Variants in CDCA3 observed in about 807,000 individuals in gnomAD.
CDCA3 encodes the protein cell division cycle associated 3.
Under a neutral mutation model 29.1 loss-of-function variants are expected in CDCA3, and 16 were observed. That is an observed-to-expected ratio of 0.55 (90% CI 0.37 to 0.83). CDCA3 has a LOEUF of 0.83. Ranked by LOEUF, CDCA3 falls within the 40% of genes least tolerant of loss-of-function variation. The probability of loss-of-function intolerance (pLI) is 0.00; values close to 1 mark genes in which losing one functional copy is unlikely to be tolerated. For missense variants in CDCA3, 291 were observed against 327.2 expected (o/e 0.89, Z 0.85); for synonymous variants, 88 against 124.5 (o/e 0.71, Z 1.95).
Position 6,850,639 on chromosome 12 carries a change from T to C in CDCA3, c.121-43A>G. On this transcript the variant is annotated intron_variant, in intron 2 of 5. Transcript: ENST00000538862. The surrounding 1 kb of genome is among the most constrained non-coding windows in gnomAD (Gnocchi z 4.7). Reference sequence around the variant, plus strand: ...TAGAACAAGTCTGGGCCCTGACTCTTCTCTCCTCTCCTCCCCATATTCCAG... The same window carrying C: ...TAGAACAAGTCTGGGCCCTGACTCTCCTCTCCTCTCCTCCCCATATTCCAG... 6.2e-7 allele frequency: 1 copy of C among 1,613,216 alleles called. No homozygotes were observed. Among genetic ancestry groups the C allele is most frequent in the Non-Finnish European group, 8.5e-7 (1 of 1,179,424 alleles).
In CDCA3 at chr12:6,851,028, G is replaced by A; in HGVS notation, c.-57-19C>T. On this transcript the variant is annotated intron_variant, in intron 1 of 5. Transcript: ENST00000538862. ...GGAATGCCTGTGAGAAGTGACTCAG[G>A]TCTCAGCCCTTATCTCTTCCACGTC... is the stretch of plus-strand genomic sequence containing the variant. 6.5e-7 allele frequency: 1 copy of A among 1,528,334 alleles called. No homozygotes were observed. The highest frequency in any genetic ancestry group is 8.7e-7 in the Non-Finnish European group (1 of 1,143,580). The allele number at this position is 1,528,334 out of a possible 1,614,324, so 94.7% of individuals were successfully genotyped here.
At chr12:6,846,992 G>A (rs1943719270), downstream of CDCA3, 3 of 733,996 alleles carry the variant, frequency 4.1e-6, no homozygotes, top group Non-Finnish European at 7.1e-6. Flanking sequence ...CTATATTCCG[G>A]GTGCCATTCC....
At position 6,850,858 on chromosome 12, in the gene CDCA3, G is replaced by C. The variant is rs1362044198; in HGVS notation, c.95C>G (p.Ala32Gly). Residue 32 changes from alanine to glycine, a missense_variant, in exon 2 of 6, where the codon GCT (alanine) becomes GGT (glycine). Transcript: ENST00000538862. The surrounding 1 kb of genome is among the most constrained non-coding windows in gnomAD (Gnocchi z 4.7). ...CTGGATGGGAGTGCGCAGGATGCCA[G>C]CACTAGGTGAACGGGGGTCCGCCAC... ...ARVADPRSPS[A>G]GILRTPIQVE... The C allele has an allele frequency of 1.2e-6, 2 of 1,613,854 alleles. No individual in the cohort carries two copies. The highest frequency in any genetic ancestry group is 1.7e-6 in the Non-Finnish European group (2 of 1,179,990).
chr12:6,847,781 T>C (rs1943735654), downstream of CDCA3, among the ~76,000 whole-genome samples: 2 of 152,138 alleles, frequency 1.3e-5, no homozygotes, highest in Non-Finnish European at 2.9e-5. Context: ...CTCCAGATCT[T>C]TCAGAAAGAA....
Position 6,850,219 on chromosome 12 carries a change from T to G in CDCA3, c.250+248A>C. 2 of 529,948 alleles carry G rather than the reference T, an allele frequency of 3.8e-6. No individual in the cohort carries two copies. Among genetic ancestry groups the G allele is most frequent in the Non-Finnish European group, 6.8e-6 (2 of 295,922 alleles). The allele number at this position is 529,948 out of a possible 1,614,324, so 32.8% of individuals were successfully genotyped here. A position where few individuals can be genotyped will look rare whatever the true frequency, so the allele number is the denominator to read the frequency against. On this transcript the variant is annotated intron_variant, in intron 3 of 5. Coordinates refer to ENST00000538862, the MANE Select transcript of CDCA3 (RefSeq NM_031299.7). This position sits in a 1 kb window ranked among gnomAD's most constrained non-coding sequence, Gnocchi z 4.7. ...TTTTTCTAGAGATGGGGTTTTGCCA[T>G]GTTGCCTAGGCTGGTCTTGAACTCC... is the stretch of plus-strand genomic sequence containing the variant.
chr12:6,845,545 C>G, downstream of CDCA3: 1 of 1,424,816 alleles, frequency 7.0e-7, no homozygotes. Flanking sequence ...TGTGGGCTGC[C>G]CAGGTCTGAT....
rs782513128 is a variant in CDCA3 at position 6,850,435 on chromosome 12, C to T, written c.250+32G>A. On this transcript the variant is annotated intron_variant, in intron 3 of 5. Transcript: ENST00000538862. The surrounding 1 kb of genome is among the most constrained non-coding windows in gnomAD (Gnocchi z 4.7). Reference sequence around the variant, plus strand: ...CCTACCCAAGAATAATAGATGACAGCTTCATCAGCATTCCCTGGGCCCAAC... The same window carrying T: ...CCTACCCAAGAATAATAGATGACAGTTTCATCAGCATTCCCTGGGCCCAAC... 2.5e-6 allele frequency: 4 copies of T among 1,613,178 alleles called. No homozygotes were observed. The highest frequency in any genetic ancestry group is 3.4e-6 in the Non-Finnish European group (4 of 1,179,456).
Position 6,850,935 on chromosome 12 carries a change from G to A in CDCA3, c.18C>T (p.Ser6=). ...GAGGCCGCGCTGGTGTGACTGGGACGCTCTTGGCTGAGCCCATCTCAACCA... is the reference window on the plus strand; with the variant it reads ...GAGGCCGCGCTGGTGTGACTGGGACACTCTTGGCTGAGCCCATCTCAACCA... MGSAK[S]VPVTPARPPP... Residue 6 remains serine (S), a synonymous_variant, in exon 2 of 6, where the codon AGC becomes AGT. Transcript: ENST00000538862. The surrounding 1 kb of genome is among the most constrained non-coding windows in gnomAD (Gnocchi z 4.7). 6.2e-7 allele frequency: 1 copy of A among 1,610,614 alleles called. No individual in the cohort carries two copies. The highest frequency in any genetic ancestry group is 8.5e-7 in the Non-Finnish European group (1 of 1,179,672).
Position 6,849,995 on chromosome 12 carries a change from A to T in CDCA3, c.251-137T>A. 1.2e-6 allele frequency: 1 copy of T among 809,708 alleles called. No homozygotes were observed. The highest frequency in any genetic ancestry group is 3.3e-5 in the Admixed American group (1 of 29,978). 50.2% of individuals were successfully genotyped at this position (809,708 alleles called of 1,614,324 possible). On this transcript the variant is annotated intron_variant, in intron 3 of 5. Coordinates refer to ENST00000538862, the MANE Select transcript of CDCA3 (RefSeq NM_031299.7). The surrounding 1 kb of genome is among the most constrained non-coding windows in gnomAD (Gnocchi z 5.2). Reference sequence around the variant, plus strand: ...AGAGAAATCAAGGAAATCAAGGTGAAAGGGAGCAATTTTTTTTTTTTTTGA... The same window carrying T: ...AGAGAAATCAAGGAAATCAAGGTGATAGGGAGCAATTTTTTTTTTTTTTGA...
At chr12:6,845,668 T>G (rs1246191591), downstream of CDCA3, 1 of 1,614,120 alleles carries the variant, frequency 6.2e-7, no homozygotes, top group Admixed American at 1.7e-5. Context: ...GACCAGGAGC[T>G]GATCTGCTTC....
At position 6,850,738 on chromosome 12, in the gene CDCA3, T is replaced by C. The variant is rs1333429929; in HGVS notation, c.120+95A>G. On this transcript the variant is annotated intron_variant, in intron 2 of 5. Coordinates refer to ENST00000538862, the MANE Select transcript of CDCA3 (RefSeq NM_031299.7). The surrounding 1 kb of genome is among the most constrained non-coding windows in gnomAD (Gnocchi z 4.7). ...GAGATTGCAGAAAATAAGGCTAGGATAAGGGTGGGGTCATGACGGCTCTCT... is the reference window on the plus strand; with the variant it reads ...GAGATTGCAGAAAATAAGGCTAGGACAAGGGTGGGGTCATGACGGCTCTCT... 1.3e-6 allele frequency: 2 copies of C among 1,573,840 alleles called. No homozygotes were observed. Among genetic ancestry groups the C allele is most frequent in the African/African-American group, 1.4e-5 (1 of 74,048 alleles).
At position 6,850,308 on chromosome 12, in the gene CDCA3, G is replaced by T; in HGVS notation, c.250+159C>A. The stretch of plus-strand genomic sequence containing the variant: ...GCTGGGATTACAGGCATGAGCCACC[G>T]CACCCAGGCTGGGAACAAAATATTG... On this transcript the variant is annotated intron_variant, in intron 3 of 5. Coordinates refer to ENST00000538862, the MANE Select transcript of CDCA3 (RefSeq NM_031299.7). The surrounding 1 kb of genome is among the most constrained non-coding windows in gnomAD (Gnocchi z 4.7). The T allele has an allele frequency of 1.0e-6, 1 of 997,980 alleles. No homozygotes were observed. Among genetic ancestry groups the T allele is most frequent in the Non-Finnish European group, 1.5e-6 (1 of 674,500 alleles). 61.8% of individuals were successfully genotyped at this position (997,980 alleles called of 1,614,324 possible). A position where few individuals can be genotyped will look rare whatever the true frequency, so the allele number is the denominator to read the frequency against.
In CDCA3 at chr12:6,850,396, A is replaced by G; in HGVS notation, c.250+71T>C. 6.3e-7 allele frequency: 1 copy of G among 1,590,542 alleles called. No homozygotes were observed. Among genetic ancestry groups the G allele is most frequent in the African/African-American group, 1.3e-5 (1 of 74,462 alleles). On this transcript the variant is annotated intron_variant, in intron 3 of 5. Coordinates refer to ENST00000538862, the MANE Select transcript of CDCA3 (RefSeq NM_031299.7). This position sits in a 1 kb window ranked among gnomAD's most constrained non-coding sequence, Gnocchi z 4.7. The stretch of plus-strand genomic sequence containing the variant: ...GGCCCCTTTAAGGAACCCTGAGAGA[A>G]TGGCTTCATGGACCCTACCCAAGAA...
chr12:6,850,403 C>A lies in CDCA3; in HGVS notation c.250+64G>T, dbSNP rs960697128. ...TTAAGGAACCCTGAGAGAATGGCTTCATGGACCCTACCCAAGAATAATAGA... is the reference window on the plus strand; with the variant it reads ...TTAAGGAACCCTGAGAGAATGGCTTAATGGACCCTACCCAAGAATAATAGA... On this transcript the variant is annotated intron_variant, in intron 3 of 5. Transcript: ENST00000538862. The surrounding 1 kb of genome is among the most constrained non-coding windows in gnomAD (Gnocchi z 4.7). The A allele has an allele frequency of 1.1e-5, 18 of 1,603,856 alleles. No homozygotes were observed. The East Asian group carries it at 3.4e-4, about 30-fold the overall frequency.
downstream of CDCA3, chr12:6,848,741 T>G (rs782450336): frequency 2.3e-4 from 88 of 380,226 alleles, no homozygotes; most frequent in African/African-American, 1.8e-3. Flanking sequence ...CAAAGAAGGC[T>G]CAGAGCATCA....
chr12:6,845,706 ACG>A, downstream of CDCA3: 1 of 1,614,104 alleles, frequency 6.2e-7, no homozygotes, highest in Non-Finnish European at 8.5e-7. Context: ...CTGCGGCATC[ACG>A]TCCGTGGCCT....
At position 6,849,726 on chromosome 12, in the gene CDCA3, G is replaced by A. The variant is rs782299216; in HGVS notation, c.383C>T (p.Thr128Ile). 1 of 1,613,908 alleles carries A rather than the reference G, an allele frequency of 6.2e-7. No homozygotes were observed. The highest frequency in any genetic ancestry group is 8.5e-7 in the Non-Finnish European group (1 of 1,179,966). Reference protein sequence around the residue: ...LSSELDLPLGTQLSVEEQMPP... With the variant: ...LSSELDLPLGIQLSVEEQMPP... ...CATCTGTTCCTCAACAGATAACTGG[G>A]TACCCAGAGGCAAGTCCAATTCAGA... Residue 128 changes from threonine to isoleucine, a missense_variant, in exon 4 of 6, where the codon ACC becomes ATC. Coordinates refer to ENST00000538862, the MANE Select transcript of CDCA3 (RefSeq NM_031299.7). The surrounding 1 kb of genome is among the most constrained non-coding windows in gnomAD (Gnocchi z 5.2).
rs893306581 is a variant in CDCA3 at position 6,850,333 on chromosome 12, G to A, written c.250+134C>T. ...GCACCCAGGCTGGGAACAAAATATT[G>A]AGATAAGAGTGAGATGGGTCCGAAG... On this transcript the variant is annotated intron_variant, in intron 3 of 5. Transcript: ENST00000538862. This position sits in a 1 kb window ranked among gnomAD's most constrained non-coding sequence, Gnocchi z 4.7. 8.4e-7 allele frequency: 1 copy of A among 1,194,022 alleles called. No homozygotes were observed. The highest frequency in any genetic ancestry group is 2.1e-5 in the Admixed American group (1 of 47,820). The allele number at this position is 1,194,022 out of a possible 1,614,324, so 74.0% of individuals were successfully genotyped here. A position where few individuals can be genotyped will look rare whatever the true frequency, so the allele number is the denominator to read the frequency against.
Position 6,849,626 on chromosome 12 carries a change from G to C in CDCA3, c.483C>G (p.Thr161=). 6.2e-7 allele frequency: 1 copy of C among 1,614,090 alleles called. No homozygotes were observed. Among genetic ancestry groups the C allele is most frequent in the Non-Finnish European group, 8.5e-7 (1 of 1,179,990 alleles). Residue 161 remains threonine, a synonymous_variant, in exon 4 of 6, where the codon ACC becomes ACG. Coordinates refer to ENST00000538862, the MANE Select transcript of CDCA3 (RefSeq NM_031299.7). This position sits in a 1 kb window ranked among gnomAD's most constrained non-coding sequence, Gnocchi z 5.2. The stretch of plus-strand genomic sequence containing the variant: ...TGTCGGAGCTCTGGCTGGCCACAGG[G>C]GTTTCTGTGGGCTGTCTTGCTTCCT... ...SKEEARQPTE[T]PVASQSSDKP... is the part of the protein sequence containing the mutation.
Sources: gnomAD v4.1 joint callset for allele counts (sites outside exome capture counted in the v4.1 genomes callset) on GRCh38, gnomAD v4.1.1 for gene constraint, Gnocchi (gnomAD v3.1) non-coding constraint, MANE v1.5 for transcripts, NCBI Gene and HGNC (gene_info 2026-07-23, HGNC 2026-07-21) for gene names.